Variants in LRRC39 observed in about 807,000 individuals in gnomAD.
LRRC39 encodes the protein leucine-rich repeat-containing protein 39.
A neutral mutation model predicts 39.7 loss-of-function variants in LRRC39; 35 were observed. The ratio of observed to expected loss-of-function variants is 0.88; its 90% CI spans 0.67 to 1.17. LRRC39 has a LOEUF of 1.17. Ranked by LOEUF, LRRC39 falls within the 50% of genes most tolerant of loss-of-function variation. The pLI is 0.00. For missense variants in LRRC39, 357 were observed against 385.8 expected, an observed-to-expected ratio of 0.93 and a Z score of 0.62; for synonymous variants, 113 against 134.1, an observed-to-expected ratio of 0.84 and a Z score of 1.09.
intron 9 of LRRC39, chr1:100,149,702 T>G (rs1657765334): frequency 7.1e-6 from 2 of 281,102 alleles, no homozygotes; most frequent in African/African-American, 4.6e-5. Context: ...TTAGGCCTTA[T>G]TTAACTCATG....
intron 9 of LRRC39, 60 bp downstream of exon 9, chr1:100,152,325 G>C (rs1316078265): frequency 6.7e-7 from 1 of 1,492,572 alleles, no homozygotes; most frequent in Non-Finnish European, 9.1e-7. Context: ...GCAGCAGTTA[G>C]TGATACACAC....
intron 3 of LRRC39, among the ~76,000 whole-genome samples, chr1:100,166,443 C>G (rs747780857): frequency 2.0e-5 from 3 of 152,100 alleles, no homozygotes; most frequent in Non-Finnish European, 2.9e-5. Context: ...ACAATGAAAT[C>G]CAGGCTGAGG....
In LRRC39 at chr1:100,168,351, G is replaced by A; in HGVS notation, c.113+53C>T. On this transcript the variant is annotated intron_variant, in intron 3 of 9. Transcript: ENST00000370137. Reference sequence around the variant, plus strand: ...CATTTAGAATGCTCTTTTTTATGGTGATGATAATATGAATTTTCACTAATT... The same window carrying A: ...CATTTAGAATGCTCTTTTTTATGGTAATGATAATATGAATTTTCACTAATT... The A allele has an allele frequency of 9.2e-6, 12 of 1,311,226 alleles. No individual in the cohort carries two copies. The South Asian group carries it at 1.6e-4, about 18-fold the overall frequency. 81.2% of individuals were successfully genotyped at this position (1,311,226 alleles called of 1,614,324 possible).
At chr1:100,174,380 C>A (rs567817725) in intron 1 of LRRC39, among the ~76,000 whole-genome samples, 1 of 152,202 alleles carries the variant, frequency 6.6e-6, no homozygotes, top group African/African-American at 2.4e-5. Context: ...TCACTGCAAC[C>A]TCCACCTCCT....
chr1:100,164,705 C>A (rs1659120496), intron 3 of LRRC39, among the ~76,000 whole-genome samples: 1 of 148,550 alleles, frequency 6.7e-6, no homozygotes, highest in Non-Finnish European at 1.5e-5. Context: ...TAATTTTTTT[C>A]TTTTTTTTTT....
chr1:100,153,550 T>C, intron 8 of LRRC39, among the ~76,000 whole-genome samples: 1 of 152,096 alleles, frequency 6.6e-6, no homozygotes, highest in East Asian at 1.9e-4. Context: ...ATTATACATC[T>C]GACAAAGAAC....
chr1:100,176,291 G>T (rs1437549956), intron 1 of LRRC39, among the ~76,000 whole-genome samples: 1 of 152,136 alleles, frequency 6.6e-6, no homozygotes, highest in African/African-American at 2.4e-5. Context: ...AGCCAGGCGT[G>T]GTGGCACATG....
Position 100,155,229 on chromosome 1 carries a change from A to C in LRRC39, c.660-26T>G, listed in dbSNP as rs904776586. ...CTGAAAAATTAAGGTTTCTACAATT[A>C]ATTACATATAATATGAAAATATTGG... On this transcript the variant is annotated intron_variant, in intron 7 of 9. Transcript: ENST00000370137. 2.6e-6 allele frequency: 4 copies of C among 1,519,248 alleles called. No individual in the cohort carries two copies. In the Admixed American group the frequency reaches 6.7e-5, roughly 26 times the overall value. 94.1% of individuals were successfully genotyped at this position (1,519,248 alleles called of 1,614,324 possible).
At chr1:100,156,096 C>T in intron 7 of LRRC39, 76 bp downstream of exon 7, 2 of 1,386,344 alleles carry the variant, frequency 1.4e-6, no homozygotes, top group South Asian at 2.7e-5. Context: ...CTTGAGATCC[C>T]ATTTGTCTTG....
rs777107276 is a variant in LRRC39, at chr1:100,159,351, A to C, written c.284T>G (p.Leu95Trp). ...LQEWQLHRTG[L>W]LKIPEFIGRF... ...TCCAATGAATTCAGGAATTTTCAGCAAACCAGTTCTATGAAGTTGCCATTC... is the reference window on the plus strand; with the variant it reads ...TCCAATGAATTCAGGAATTTTCAGCCAACCAGTTCTATGAAGTTGCCATTC... The change falls in exon 5 of 10, where the codon TTG (leucine) becomes TGG (tryptophan). Residue 95 changes from leucine (L) to tryptophan (W), a missense_variant. Transcript: ENST00000370137. The C allele has an allele frequency of 2.5e-6, 4 of 1,612,074 alleles. No homozygotes were observed. In the Admixed American group the frequency reaches 6.7e-5, roughly 27 times the overall value.
chr1:100,152,125 A>C (rs1236885622), intron 9 of LRRC39, among the ~76,000 whole-genome samples: 1 of 152,034 alleles, frequency 6.6e-6, no homozygotes, highest in Non-Finnish European at 1.5e-5. Context: ...TCATGTCTTC[A>C]CTCACTTGGT....
At chr1:100,152,597 C>A in intron 8 of LRRC39, 73 bp from the exon 9 acceptor site, 8 of 1,484,982 alleles carry the variant, frequency 5.4e-6, no homozygotes, top group East Asian at 4.6e-5. Context: ...GGAGAAAGGT[C>A]AAATGATAAT....
At chr1:100,166,516 T>A (rs1009763823) in intron 3 of LRRC39, among the ~76,000 whole-genome samples, 1 of 152,170 alleles carries the variant, frequency 6.6e-6, no homozygotes, top group African/African-American at 2.4e-5. Context: ...TTGCTATGTT[T>A]TAGCAAAGAG....
chr1:100,160,668 A>G (rs1335921430), intron 3 of LRRC39, 97 bp from the exon 4 acceptor site: 1 of 961,710 alleles, frequency 1.0e-6, no homozygotes, highest in Non-Finnish European at 1.5e-6. Context: ...TCTTTTGCCC[A>G]GGCTGGAGTG....
At chr1:100,159,925 G>A (rs761804503) in intron 4 of LRRC39, among the ~76,000 whole-genome samples, 8 of 152,018 alleles carry the variant, frequency 5.3e-5, no homozygotes, top group Non-Finnish European at 8.8e-5. Flanking sequence ...GCCTAAAATA[G>A]CCAGTAGAGA....
At chr1:100,176,818 A>G (rs554544641) in intron 1 of LRRC39, among the ~76,000 whole-genome samples, 1 of 152,234 alleles carries the variant, frequency 6.6e-6, no homozygotes, top group Non-Finnish European at 1.5e-5. Context: ...TCAATCTATA[A>G]AAAAGTAAGG....
chr1:100,168,645 C>T lies in LRRC39; in HGVS notation c.-78-51G>A, dbSNP rs2101791538. ...ATGTTTCAGACTGTTCATTGAGTAC[C>T]ATAATGATCATAATAGCTAATATTT... is the stretch of plus-strand genomic sequence containing the variant. On this transcript the variant is annotated intron_variant, in intron 2 of 9. Coordinates refer to ENST00000370137, the MANE Select transcript of LRRC39 (RefSeq NM_144620.4). 3 of 634,322 alleles carry T rather than the reference C, an allele frequency of 4.7e-6. No individual in the cohort carries two copies. In the South Asian group the frequency reaches 5.8e-5, roughly 12 times the overall value. 39.3% of individuals were successfully genotyped at this position (634,322 alleles called of 1,614,324 possible).
At chr1:100,165,087 A>G (rs922109831) in intron 3 of LRRC39, among the ~76,000 whole-genome samples, 4 of 152,196 alleles carry the variant, frequency 2.6e-5, no homozygotes, top group African/African-American at 9.7e-5. Context: ...GTTTATACTT[A>G]ATTTTAACCA....
At position 100,156,335 on chromosome 1, in the gene LRRC39, GT is replaced by G; in HGVS notation, c.514-19del. 6.3e-7 allele frequency: 1 copy of G among 1,579,824 alleles called. No homozygotes were observed. Among genetic ancestry groups the G allele is most frequent in the Non-Finnish European group, 8.6e-7 (1 of 1,158,090 alleles). On this transcript the variant is annotated intron_variant, in intron 6 of 9. Coordinates refer to ENST00000370137, the MANE Select transcript of LRRC39 (RefSeq NM_144620.4). ...TTGCTGAGCTGAAGAAGAAAGCAAGGTTTTTCAAAATAAATGTCCACAATGT... is the reference window on the plus strand; with the variant it reads ...TTGCTGAGCTGAAGAAGAAAGCAAGGTTTTCAAAATAAATGTCCACAATGT...
Sources: allele counts gnomAD v4.1 joint callset (sites outside exome capture counted in the v4.1 genomes callset), GRCh38; gene constraint gnomAD v4.1.1; transcripts MANE v1.5; gene names NCBI Gene and HGNC (gene_info 2026-07-23, HGNC 2026-07-21).